Variants in CSMD2 observed in about 807,000 individuals in gnomAD.
The protein encoded by CSMD2 is CUB and sushi domain-containing protein 2.
CSMD2 carries 130 observed loss-of-function variants against 398.5 expected under a neutral mutation model. That is an observed-to-expected ratio of 0.33 (90% CI 0.28 to 0.38). The LOEUF (loss-of-function observed/expected upper bound fraction) is 0.38. CSMD2 is among the 10% of genes least tolerant of loss of function. The pLI is 1.00. For synonymous variants in CSMD2, 1,828 were observed against 1,908.5 expected, an observed-to-expected ratio of 0.96 and a Z score of 1.10; for missense variants, 3,829 against 4,764.9, an observed-to-expected ratio of 0.80 and a Z score of 5.78.
rs528075337 is a variant in CSMD2 at position 33,514,211 on chromosome 1, C to A, written c.*2413G>T. Reference sequence around the variant, plus strand: ...ATGTTTTCTGAAAACCATATTTATACATTTTATTACATTTACAAAAAAGGC... The same window carrying A: ...ATGTTTTCTGAAAACCATATTTATAAATTTTATTACATTTACAAAAAAGGC... On this transcript the variant is annotated 3_prime_UTR_variant, in exon 71 of 71. Coordinates refer to ENST00000373381, the MANE Select transcript of CSMD2 (RefSeq NM_001281956.2). 2 of 151,604 alleles carry A rather than the reference C, an allele frequency of 1.3e-5. No individual in the cohort carries two copies. The highest frequency in any genetic ancestry group is 2.9e-5 in the Non-Finnish European group (2 of 67,900). 9.4% of individuals were successfully genotyped at this position (151,604 alleles called of 1,614,324 possible). A position where few individuals can be genotyped will look rare whatever the true frequency, so the allele number is the denominator to read the frequency against.
rs374630472 is a variant in CSMD2 at position 33,537,121 on chromosome 1, A to G, written c.9806-26T>C. 35 of 1,613,392 alleles carry G rather than the reference A, an allele frequency of 2.2e-5. No homozygotes were observed. In the African/African-American group the frequency reaches 4.1e-4, roughly 19 times the overall value. The stretch of plus-strand genomic sequence containing the variant: ...CTGGATGGCCAAAACAAAGACACAG[A>G]TCACATGGTCATGGAAGCCTTCACG... On this transcript the variant is annotated intron_variant, in intron 61 of 70. Coordinates refer to ENST00000373381, the MANE Select transcript of CSMD2 (RefSeq NM_001281956.2). The surrounding 1 kb of genome is among the most constrained non-coding windows in gnomAD (Gnocchi z 4.6).
chr1:33,897,579 C>A (rs1375582077), intron 5 of CSMD2, among the ~76,000 whole-genome samples: 4 of 152,208 alleles, frequency 2.6e-5, no homozygotes, highest in Non-Finnish European at 5.9e-5. Flanking sequence ...CAAGAGGTCA[C>A]CCCTCCTGCA....
chr1:33,664,339 T>C (rs1184231991), intron 25 of CSMD2, among the ~76,000 whole-genome samples: 4 of 152,196 alleles, frequency 2.6e-5, no homozygotes, highest in African/African-American at 7.2e-5. Flanking sequence ...TAATACTATA[T>C]CATGGACAAA....
chr1:33,584,997 G>T (rs559523780), intron 46 of CSMD2, among the ~76,000 whole-genome samples: 8 of 152,190 alleles, frequency 5.3e-5, no homozygotes, highest in Admixed American at 5.2e-4. Flanking sequence ...TGTGTCCTGG[G>T]GCACAGGCAA....
chr1:34,098,420 A>T (rs917375199), intron 1 of CSMD2, among the ~76,000 whole-genome samples: 63 of 150,640 alleles, frequency 4.2e-4, no homozygotes, highest in Middle Eastern at 3.4e-3. Context: ...TAATAATAAA[A>T]AAATAAATAA....
At chr1:34,080,715 T>C (rs918995813) in intron 2 of CSMD2, among the ~76,000 whole-genome samples, 1 of 152,094 alleles carries the variant, frequency 6.6e-6, no homozygotes, top group African/African-American at 2.4e-5. Flanking sequence ...ATGTTTTTAT[T>C]ATCAAACAAG....
At chr1:34,061,713 C>A (rs991892991) in intron 2 of CSMD2, among the ~76,000 whole-genome samples, 12 of 152,160 alleles carry the variant, frequency 7.9e-5, no homozygotes, top group African/African-American at 2.9e-4. Context: ...ATAATAGTAG[C>A]CATTAATATT....
chr1:33,631,489 A>T lies in CSMD2; in HGVS notation c.5200+1933T>A, dbSNP rs1300815793. 5.3e-5 allele frequency among the ~76,000 whole-genome samples: 8 copies of T among 152,184 alleles called. No individual in the cohort carries two copies. The East Asian group carries it at 1.5e-3, about 29-fold the overall frequency. On this transcript the variant is annotated intron_variant, in intron 32 of 70. Transcript: ENST00000373381. Reference sequence around the variant, plus strand: ...ATTAGTTGGCAGTGTAAGCAGTATTATGAAGAGTCTGATGACTTTACAAAG... The same window carrying T: ...ATTAGTTGGCAGTGTAAGCAGTATTTTGAAGAGTCTGATGACTTTACAAAG...
At chr1:33,630,316 G>A (rs1333870136) in intron 32 of CSMD2, among the ~76,000 whole-genome samples, 2 of 152,222 alleles carry the variant, frequency 1.3e-5, no homozygotes, top group East Asian at 3.8e-4. Context: ...GTGTGTATGT[G>A]TGAGGTGGTG....
At chr1:34,122,679 T>C (rs1417597630) in intron 1 of CSMD2, among the ~76,000 whole-genome samples, 2 of 152,186 alleles carry the variant, frequency 1.3e-5, no homozygotes, top group Non-Finnish European at 2.9e-5. Context: ...ATTACACAGG[T>C]CCACCTATTT....
At chr1:34,035,329 A>G (rs1650978512) in intron 2 of CSMD2, among the ~76,000 whole-genome samples, 1 of 152,186 alleles carries the variant, frequency 6.6e-6, no homozygotes, top group Non-Finnish European at 1.5e-5. Context: ...TCTTCCAGAA[A>G]AGAAGAACAA....
chr1:33,602,787 G>A (rs1427411193), intron 42 of CSMD2, among the ~76,000 whole-genome samples: 1 of 152,196 alleles, frequency 6.6e-6, no homozygotes, highest in African/African-American at 2.4e-5. Context: ...GTCTGCCTCA[G>A]CCTCCCTCTT....
Position 33,752,419 on chromosome 1 carries a change from G to A in CSMD2, c.1847-8813C>T, listed in dbSNP as rs796386. Among the ~76,000 whole-genome samples, 1,467 of 152,214 alleles carry A rather than the reference G, an allele frequency of 9.6e-3. 23 individuals are homozygous for A. The highest frequency in any genetic ancestry group is 0.033 in the African/African-American group (1,381 of 41,514). On this transcript the variant is annotated intron_variant, in intron 13 of 70. Coordinates refer to ENST00000373381, the MANE Select transcript of CSMD2 (RefSeq NM_001281956.2). ...TTTTACCATATGATACGCTGGCTCC[G>A]TTTTGCCTTCTGCCATGATTGTAAG...
chr1:33,867,548 T>A (rs1558028213), intron 5 of CSMD2, among the ~76,000 whole-genome samples: 1 of 152,262 alleles, frequency 6.6e-6, no homozygotes, highest in Non-Finnish European at 1.5e-5. Flanking sequence ...TGTGGTAATT[T>A]GTTACACAGC....
At chr1:33,545,871 T>C (rs1490812143) in intron 57 of CSMD2, among the ~76,000 whole-genome samples, 166 bp downstream of exon 57, 1 of 152,202 alleles carries the variant, frequency 6.6e-6, no homozygotes, top group Non-Finnish European at 1.5e-5. Flanking sequence ...TGATTACTAA[T>C]GAAAATGCAC....
chr1:33,918,337 T>A (rs1408114836), intron 4 of CSMD2, 36 bp from the exon 5 acceptor site: 1 of 1,595,860 alleles, frequency 6.3e-7, no homozygotes, highest in Non-Finnish European at 8.6e-7. Context: ...ACATGAGTAG[T>A]CTGGTTTTCA....
At chr1:33,891,378 T>A (rs899049687) in intron 5 of CSMD2, among the ~76,000 whole-genome samples, 15 of 150,406 alleles carry the variant, frequency 1.0e-4, no homozygotes, top group Non-Finnish European at 1.9e-4. Context: ...AGAATGGCAA[T>A]CATTAAAAAG....
At chr1:34,042,266 T>C (rs1651934008) in intron 2 of CSMD2, among the ~76,000 whole-genome samples, 1 of 151,968 alleles carries the variant, frequency 6.6e-6, no homozygotes, top group African/African-American at 2.4e-5. Flanking sequence ...CTGTCTGGAG[T>C]AGGGCGGCTG....
chr1:33,964,781 A>G (rs1645499066), intron 3 of CSMD2, among the ~76,000 whole-genome samples: 1 of 152,148 alleles, frequency 6.6e-6, no homozygotes, highest in South Asian at 2.1e-4. Context: ...CTGGGAGTTC[A>G]GGTTTCAGCA....
Sources: gnomAD v4.1 joint callset for allele counts (sites outside exome capture counted in the v4.1 genomes callset) on GRCh38, gnomAD v4.1.1 for gene constraint, Gnocchi (gnomAD v3.1) non-coding constraint, MANE v1.5 for transcripts, NCBI Gene and HGNC (gene_info 2026-07-23, HGNC 2026-07-21) for gene names.